ZNF407: variants seen among roughly 807,000 people sequenced by gnomAD.
The protein encoded by ZNF407 is zinc finger protein 407.
ZNF407 carries 17 observed loss-of-function variants against 131.2 expected under a neutral mutation model. That is an observed-to-expected ratio of 0.13 (90% CI 0.09 to 0.19). The LOEUF is 0.19. ZNF407 is among the 10% of genes least tolerant of loss of function. The pLI, the probability that ZNF407 is intolerant of heterozygous loss-of-function variation, is 1.00. For synonymous variants in ZNF407, 1,156 were observed against 1,062.0 expected, an observed-to-expected ratio of 1.09 and a Z score of -1.72; for missense variants, 2,681 against 2,830.6, an observed-to-expected ratio of 0.95 and a Z score of 1.20.
intron 3 of ZNF407, among the ~76,000 whole-genome samples, chr18:74,731,922 TGAA>T (rs1968303588): frequency 6.6e-6 from 1 of 152,078 alleles, no homozygotes; most frequent in Non-Finnish European, 1.5e-5. Context: ...GTATAGATCA[TGAA>T]GAACAAGCGC....
chr18:74,626,176 A>G lies in ZNF407; in HGVS notation c.-53-4791A>G, dbSNP rs192746209. Reference sequence around the variant, plus strand: ...TCAGGGAAATGGAGATTAAAACCATACATACTAGAGTGACTAAAATTTAAA... The same window carrying G: ...TCAGGGAAATGGAGATTAAAACCATGCATACTAGAGTGACTAAAATTTAAA... On this transcript the variant is annotated intron_variant, in intron 1 of 8. Transcript: ENST00000299687. Among the ~76,000 whole-genome samples the G allele has an allele frequency of 1.2e-4, 18 of 152,358 alleles. No individual in the cohort carries two copies. In the Middle Eastern group the frequency reaches 0.01, roughly 86 times the overall value.
rs36086764 is a variant in ZNF407 at position 75,039,718 on chromosome 18, C to CTTT, written c.5429-23414_5429-23412dup. 1.8e-3 allele frequency among the ~76,000 whole-genome samples: 204 copies of CTTT among 111,872 alleles called. 10 individuals carry two copies. Among genetic ancestry groups the CTTT allele is most frequent in the South Asian group, 0.014 (44 of 3,072 alleles). 73.4% of individuals were successfully genotyped at this position (111,872 alleles called of 152,430 possible). On this transcript the variant is annotated intron_variant, in intron 8 of 8. Coordinates refer to ENST00000299687, the MANE Select transcript of ZNF407 (RefSeq NM_017757.3). ...CCTATTTCTAAGCACAGGGGCCAAG[C>CTTT]TTTTTTTTTTTTTTTTTTTTAATCC...
At chr18:75,011,085 T>C (rs979765068) in intron 8 of ZNF407, among the ~76,000 whole-genome samples, 5 of 152,136 alleles carry the variant, frequency 3.3e-5, no homozygotes, top group African/African-American at 1.2e-4. Context: ...AAAAGCTGAG[T>C]CTTATTTATA....
At chr18:74,784,446 A>G (rs891188759) in intron 4 of ZNF407, among the ~76,000 whole-genome samples, 17 of 152,236 alleles carry the variant, frequency 1.1e-4, no homozygotes, top group Non-Finnish European at 2.4e-4. Context: ...TGATGATCCA[A>G]TAAATTTTGT....
intron 1 of ZNF407, among the ~76,000 whole-genome samples, chr18:74,629,899 A>C (rs1469341742): frequency 1.3e-5 from 2 of 152,144 alleles, no homozygotes; most frequent in African/African-American, 2.4e-5. Context: ...TATTCAATAA[A>C]ATTCTTTTTT....
chr18:74,618,664 C>T (rs1181334261), intron 1 of ZNF407, among the ~76,000 whole-genome samples: 1 of 152,170 alleles, frequency 6.6e-6, no homozygotes, highest in African/African-American at 2.4e-5. Context: ...GCTTCCCATT[C>T]AGTCACCTCT....
At chr18:74,670,856 G>T (rs1177367248) in intron 3 of ZNF407, among the ~76,000 whole-genome samples, 2 of 152,178 alleles carry the variant, frequency 1.3e-5, no homozygotes, top group Non-Finnish European at 2.9e-5. Flanking sequence ...CATAGAGATA[G>T]GGTTTTGCTG....
chr18:74,965,261 T>C (rs899165009), intron 8 of ZNF407, among the ~76,000 whole-genome samples: 3 of 152,150 alleles, frequency 2.0e-5, no homozygotes, highest in African/African-American at 7.2e-5. Context: ...TTCTTTCCAA[T>C]TTTTTTATAC....
At chr18:74,845,295 T>C (rs1179958730) in intron 4 of ZNF407, among the ~76,000 whole-genome samples, 1 of 152,226 alleles carries the variant, frequency 6.6e-6, no homozygotes, top group Non-Finnish European at 1.5e-5. Context: ...CGGTGTTTGG[T>C]GATTTACCAG....
At chr18:74,928,625 G>A (rs1268405150) in intron 8 of ZNF407, among the ~76,000 whole-genome samples, 2 of 152,208 alleles carry the variant, frequency 1.3e-5, no homozygotes, top group African/African-American at 4.8e-5. Flanking sequence ...TATCTGTCAT[G>A]TAATGCTATA....
intron 3 of ZNF407, among the ~76,000 whole-genome samples, chr18:74,772,261 A>T (rs1248203115): frequency 6.6e-6 from 1 of 152,208 alleles, no homozygotes; most frequent in Non-Finnish European, 1.5e-5. Flanking sequence ...TAAACTATAC[A>T]TCTGTAACTA....
chr18:74,891,570 T>C (rs1485281623), intron 7 of ZNF407, among the ~76,000 whole-genome samples: 2 of 152,202 alleles, frequency 1.3e-5, no homozygotes, highest in Non-Finnish European at 2.9e-5. Context: ...TATTCATTCA[T>C]TTAACATTTT....
At position 74,703,234 on chromosome 18, in the gene ZNF407, A is replaced by T. The variant is rs1427618127; in HGVS notation, c.4802+62112A>T. Among the ~76,000 whole-genome samples the T allele has an allele frequency of 2.6e-5, 4 of 152,208 alleles. No individual in the cohort carries two copies. The highest frequency in any genetic ancestry group is 5.9e-5 in the Non-Finnish European group (4 of 68,030). On this transcript the variant is annotated intron_variant, in intron 3 of 8. Coordinates refer to ENST00000299687, the MANE Select transcript of ZNF407 (RefSeq NM_017757.3). This position sits in a 1 kb window ranked among gnomAD's most constrained non-coding sequence, Gnocchi z 4.1. The stretch of plus-strand genomic sequence containing the variant: ...CAAGAACCTGCCTCATGTCCCACCC[A>T]ACTAGATGTGTAAGGAAAGAGAATT...
chr18:74,666,719 C>T (rs1985944431), intron 3 of ZNF407, among the ~76,000 whole-genome samples: 1 of 152,130 alleles, frequency 6.6e-6, no homozygotes, highest in Admixed American at 6.5e-5. Context: ...GACAGCTTAC[C>T]ACGCACCCAG....
intron 8 of ZNF407, among the ~76,000 whole-genome samples, chr18:74,939,726 G>T (rs1194117677): frequency 1.3e-5 from 2 of 152,178 alleles, no homozygotes; most frequent in African/African-American, 2.4e-5. Flanking sequence ...TCTACAGTGT[G>T]TTGCTTTTTG....
chr18:75,050,242 TCA>T (rs1270657074), intron 8 of ZNF407, among the ~76,000 whole-genome samples: 11 of 152,274 alleles, frequency 7.2e-5, no homozygotes, highest in Admixed American at 4.6e-4. Context: ...TTCCTGTGTG[TCA>T]AGCACAATGC....
intron 3 of ZNF407, among the ~76,000 whole-genome samples, chr18:74,679,888 C>T (rs1966940287): frequency 6.6e-6 from 1 of 152,174 alleles, no homozygotes; most frequent in Non-Finnish European, 1.5e-5. Flanking sequence ...ATGGCACTTG[C>T]CCTGTTATGC....
chr18:74,698,716 G>A (rs1487356003), intron 3 of ZNF407, among the ~76,000 whole-genome samples: 1 of 152,204 alleles, frequency 6.6e-6, no homozygotes, highest in Non-Finnish European at 1.5e-5. Flanking sequence ...GATGTAAACT[G>A]AGAATTGTAG....
chr18:74,637,472 G>A (rs1358113896), intron 2 of ZNF407, among the ~76,000 whole-genome samples: 1 of 151,180 alleles, frequency 6.6e-6, no homozygotes, highest in Non-Finnish European at 1.5e-5. Flanking sequence ...ATCATTGATT[G>A]TAACATTTAG....
Sources: allele counts gnomAD v4.1 joint callset (sites outside exome capture counted in the v4.1 genomes callset), GRCh38; gene constraint gnomAD v4.1.1; non-coding constraint Gnocchi (gnomAD v3.1); transcripts MANE v1.5; gene names NCBI Gene and HGNC (gene_info 2026-07-23, HGNC 2026-07-21).